RBX1: variants seen among roughly 807,000 people sequenced by gnomAD.
The protein encoded by RBX1 is E3 ubiquitin-protein ligase RBX1.
For synonymous variants in RBX1, 48 were observed against 47.9 expected, an observed-to-expected ratio of 1.00 and a Z score of -0.01; for missense variants, 46 against 141.4, an observed-to-expected ratio of 0.33 and a Z score of 3.42.
chr22:40,954,448 A>G (rs1047541173), intron 2 of RBX1, among the ~76,000 whole-genome samples: 1 of 152,146 alleles, frequency 6.6e-6, no homozygotes, highest in African/African-American at 2.4e-5. Flanking sequence ...ATCTCCACAT[A>G]TTTTATTACA....
chr22:40,953,424 T>G (rs773037436), intron 1 of RBX1, 131 bp from the exon 2 acceptor site: 1 of 621,522 alleles, frequency 1.6e-6, no homozygotes, highest in Non-Finnish European at 3.0e-6. Context: ...ATTAACGTAA[T>G]ATCCAAAAAC....
chr22:40,954,847 C>T (rs1324695040), intron 2 of RBX1, among the ~76,000 whole-genome samples: 1 of 151,686 alleles, frequency 6.6e-6, no homozygotes, highest in Non-Finnish European at 1.5e-5. Flanking sequence ...AGTGCAGTGG[C>T]GTGATCTCAG....
Position 40,970,271 on chromosome 22 carries a change from C to T in RBX1, c.315-2205C>T, listed in dbSNP as rs181615030. ...GGAGGCTGAGGCAGGAGAATCATCT[C>T]TTGAACCCGGGAGCCCAGAGGTTTC... On this transcript the variant is annotated intron_variant, in intron 4 of 4. Coordinates refer to ENST00000216225, the MANE Select transcript of RBX1 (RefSeq NM_014248.4). Among the ~76,000 whole-genome samples the T allele has an allele frequency of 2.1e-3, 318 of 151,210 alleles. 1 individual carries two copies. The highest frequency in any genetic ancestry group is 3.2e-3 in the Non-Finnish European group (216 of 67,880).
rs552274584 is a variant in RBX1 at position 40,951,384 on chromosome 22, C to G, written c.-15C>G. 1 of 1,611,932 alleles carries G rather than the reference C, an allele frequency of 6.2e-7. No individual in the cohort carries two copies. The highest frequency in any genetic ancestry group is 1.7e-5 in the Admixed American group (1 of 59,940). On this transcript the variant is annotated 5_prime_UTR_variant, in exon 1 of 5. Transcript: ENST00000216225. Reference sequence around the variant, plus strand: ...GCAGGCGCGGTGGTCGGACGACAGACCGTGTGTTTCCAAAATGGCGGCAGC... The same window carrying G: ...GCAGGCGCGGTGGTCGGACGACAGAGCGTGTGTTTCCAAAATGGCGGCAGC...
At chr22:40,970,352 A>G (rs1313922592) in intron 4 of RBX1, among the ~76,000 whole-genome samples, 1 of 146,540 alleles carries the variant, frequency 6.8e-6, no homozygotes, top group Non-Finnish European at 1.5e-5. Context: ...CTTCGTCTCA[A>G]AAAAAAAAAA....
At chr22:40,955,363 T>G (rs2058322632) in intron 2 of RBX1, among the ~76,000 whole-genome samples, 1 of 151,824 alleles carries the variant, frequency 6.6e-6, no homozygotes, top group Non-Finnish European at 1.5e-5. Flanking sequence ...CCTTCCAAAA[T>G]GTTGCGATTA....
chr22:40,967,711 C>G, intron 3 of RBX1, 88 bp from the exon 4 acceptor site: 1 of 980,114 alleles, frequency 1.0e-6, no homozygotes, highest in Non-Finnish European at 1.6e-6. Context: ...CTATATGTCA[C>G]CCATGCCACT....
At chr22:40,971,374 T>C (rs1212114547) in intron 4 of RBX1, among the ~76,000 whole-genome samples, 1 of 152,180 alleles carries the variant, frequency 6.6e-6, no homozygotes, top group African/African-American at 2.4e-5. Flanking sequence ...AATATTCAAG[T>C]AGATTTCTTA....
intron 3 of RBX1, chr22:40,967,127 C>T (rs1429912512): frequency 6.6e-6 from 1 of 152,170 alleles, no homozygotes; most frequent in Non-Finnish European, 1.5e-5. Flanking sequence ...AGAATACTTC[C>T]TTTTACCCCA....
intron 2 of RBX1, among the ~76,000 whole-genome samples, chr22:40,963,374 G>A (rs1030319843): frequency 6.6e-6 from 1 of 151,870 alleles, no homozygotes; most frequent in Non-Finnish European, 1.5e-5. Context: ...GGTGGCTCAT[G>A]CCTGTAATCC....
intron 2 of RBX1, among the ~76,000 whole-genome samples, chr22:40,958,432 G>T (rs2058331401): frequency 6.6e-6 from 1 of 152,164 alleles, no homozygotes; most frequent in Non-Finnish European, 1.5e-5. Flanking sequence ...AGCAACGGTT[G>T]TATTTTAATA....
At chr22:40,956,511 G>A (rs1256409840) in intron 2 of RBX1, among the ~76,000 whole-genome samples, 8 of 150,724 alleles carry the variant, frequency 5.3e-5, no homozygotes, top group South Asian at 2.1e-4. Context: ...CACCTCACCC[G>A]GCTCATTTTT....
chr22:40,960,192 C>G (rs1006393931), intron 2 of RBX1, among the ~76,000 whole-genome samples: 19 of 152,026 alleles, frequency 1.2e-4, no homozygotes, highest in African/African-American at 4.6e-4. Flanking sequence ...GTTCAAGTAC[C>G]AAGAGCCTAA....
intron 1 of RBX1, 100 bp downstream of exon 1, chr22:40,951,576 CAG>C (rs1400470270): frequency 8.7e-7 from 1 of 1,146,424 alleles, no homozygotes; most frequent in Non-Finnish European, 1.2e-6. Context: ...GGTTTCATTT[CAG>C]GGCGTTCCTG....
chr22:40,970,975 C>T (rs528201413), intron 4 of RBX1, among the ~76,000 whole-genome samples: 6 of 152,230 alleles, frequency 3.9e-5, no homozygotes, highest in South Asian at 2.1e-4. Context: ...ACATTTGAGA[C>T]GGTCCTTCCT....
At chr22:40,952,388 C>T (rs2058313510) in intron 1 of RBX1, among the ~76,000 whole-genome samples, 1 of 152,226 alleles carries the variant, frequency 6.6e-6, no homozygotes, top group Non-Finnish European at 1.5e-5. Flanking sequence ...GAACATCTGG[C>T]TAAACACTGA....
chr22:40,951,423 A>T lies in RBX1; in HGVS notation c.25A>T (p.Thr9Ser), dbSNP rs766796336. ...AATGGCGGCAGCGATGGATGTGGAT[A>T]CCCCGAGCGGCACCAACAGCGGCGC... The part of the protein sequence containing the change: MAAAMDVD[T>S]PSGTNSGAGK... Residue 9 changes from threonine to serine, a missense_variant, in exon 1 of 5, where the codon ACC becomes TCC. Physicochemically the swap from Thr to Ser is moderately conservative, Grantham distance 58. Transcript: ENST00000216225. The T allele has an allele frequency of 1.1e-5, 17 of 1,613,306 alleles. No individual in the cohort carries two copies.
intron 2 of RBX1, among the ~76,000 whole-genome samples, chr22:40,957,919 G>T (rs1453313364): frequency 1.3e-5 from 2 of 152,122 alleles, no homozygotes; most frequent in East Asian, 3.9e-4. Flanking sequence ...CCACCTTCTG[G>T]GTTCAAACAA....
At chr22:40,954,975 C>G (rs1408765438) in intron 2 of RBX1, among the ~76,000 whole-genome samples, 1 of 152,100 alleles carries the variant, frequency 6.6e-6, no homozygotes, top group Admixed American at 6.6e-5. Flanking sequence ...TTAGTAGAGA[C>G]ACAGTTTTAC....
Sources: gnomAD v4.1 joint callset for allele counts (sites outside exome capture counted in the v4.1 genomes callset) on GRCh38, gnomAD v4.1.1 for gene constraint, MANE v1.5 for transcripts, NCBI Gene and HGNC (gene_info 2026-07-23, HGNC 2026-07-21) for gene names.